Variants in COPB2 observed in about 807,000 individuals in gnomAD.
COPB2 encodes the protein coatomer subunit beta'.
Under a neutral mutation model 120.8 loss-of-function variants are expected in COPB2, and 16 were observed. The observed-to-expected ratio is 0.13, with a 90% CI of 0.09 to 0.20. The LOEUF (loss-of-function observed/expected upper bound fraction) is 0.20, where lower values mean the gene tolerates loss of function less well. Ranked by LOEUF, COPB2 falls within the 10% of genes least tolerant of loss-of-function variation. COPB2 has a pLI of 1.00. For synonymous variants in COPB2, 332 were observed against 366.3 expected, an observed-to-expected ratio of 0.91 and a Z score of 1.07; for missense variants, 794 against 1,076.5, an observed-to-expected ratio of 0.74 and a Z score of 3.67.
At position 139,375,738 on chromosome 3, in the gene COPB2, A is replaced by G. The variant is rs1176864125; in HGVS notation, c.505-124T>C. 5.9e-6 allele frequency: 7 copies of G among 1,185,250 alleles called. No homozygotes were observed. In the African/African-American group the frequency reaches 6.2e-5, roughly 11 times the overall value. The allele number at this position is 1,185,250 out of a possible 1,614,324, so 73.4% of individuals were successfully genotyped here. A position where few individuals can be genotyped will look rare whatever the true frequency, so the allele number is the denominator to read the frequency against. On this transcript the variant is annotated intron_variant, in intron 5 of 21. Coordinates refer to ENST00000333188, the MANE Select transcript of COPB2 (RefSeq NM_004766.3). ...CAGGAGAGAAGAGCTATCAAATTTTATTTTTTATCCTGTTTGGTTTTTGTT... is the reference window on the plus strand; with the variant it reads ...CAGGAGAGAAGAGCTATCAAATTTTGTTTTTTATCCTGTTTGGTTTTTGTT...
At chr3:139,386,969 C>G (rs182412138) in intron 1 of COPB2, among the ~76,000 whole-genome samples, 1 of 148,964 alleles carries the variant, frequency 6.7e-6, no homozygotes, top group Admixed American at 6.8e-5. Flanking sequence ...GAAGCTGAGG[C>G]GGGAGGATCA....
At chr3:139,378,290 A>C in intron 4 of COPB2, 101 bp from the exon 5 acceptor site, 2 of 1,068,572 alleles carry the variant, frequency 1.9e-6, no homozygotes, top group Non-Finnish European at 1.3e-6. Flanking sequence ...AAACCATATA[A>C]TCCATGACTT....
chr3:139,382,877 T>C (rs1244923017), intron 2 of COPB2: 1 of 171,488 alleles, frequency 5.8e-6, no homozygotes, highest in Non-Finnish European at 1.2e-5. Context: ...TTCCCTGATA[T>C]AATCTATATG....
chr3:139,373,659 T>A lies in COPB2; in HGVS notation c.894+7A>T, dbSNP rs753026052. ...TGTCCACCTACTGAGAGGGATAGTA[T>A]AATTACCTTAACAATGATGCTCCCT... On this transcript the variant is annotated splice_region_variant and intron_variant, in intron 8 of 21. Transcript: ENST00000333188. The A allele has an allele frequency of 6.2e-7, 1 of 1,614,052 alleles. No homozygotes were observed. The highest frequency in any genetic ancestry group is 1.1e-5 in the South Asian group (1 of 91,072).
Position 139,357,416 on chromosome 3 carries a change from T to TA in COPB2, c.*446dup, listed in dbSNP as rs1463197470. On this transcript the variant is annotated 3_prime_UTR_variant, in exon 22 of 22. Transcript: ENST00000333188. ...GGTCAAGAAAAAGGGTTTAGAGAATTACAGCCTGGATATTCAGCTCTAAGA... is the reference window on the plus strand; with the variant it reads ...GGTCAAGAAAAAGGGTTTAGAGAATTAACAGCCTGGATATTCAGCTCTAAGA... 1.2e-4 allele frequency: 23 copies of TA among 189,250 alleles called. No individual in the cohort carries two copies. The highest frequency in any genetic ancestry group is 5.4e-4 in the African/African-American group (23 of 42,376). The allele number at this position is 189,250 out of a possible 1,614,324, so 11.7% of individuals were successfully genotyped here. A position where few individuals can be genotyped will look rare whatever the true frequency, so the allele number is the denominator to read the frequency against.
chr3:139,387,669 G>C (rs1290091923), intron 1 of COPB2, among the ~76,000 whole-genome samples: 1 of 152,162 alleles, frequency 6.6e-6, no homozygotes, highest in Non-Finnish European at 1.5e-5. Context: ...TTATATATTT[G>C]AGTATGGGGG....
intron 15 of COPB2, among the ~76,000 whole-genome samples, chr3:139,365,987 A>G (rs1277927082): frequency 6.6e-6 from 1 of 152,204 alleles, no homozygotes; most frequent in African/African-American, 2.4e-5. Flanking sequence ...CTCATCTTCT[A>G]CAGAGGGGGA....
chr3:139,378,208 T>C lies in COPB2; in HGVS notation c.356-19A>G. 1 of 1,518,662 alleles carries C rather than the reference T, an allele frequency of 6.6e-7. No homozygotes were observed. Among genetic ancestry groups the C allele is most frequent in the Non-Finnish European group, 9.0e-7 (1 of 1,114,098 alleles). The allele number at this position is 1,518,662 out of a possible 1,614,324, so 94.1% of individuals were successfully genotyped here. A position where few individuals can be genotyped will look rare whatever the true frequency, so the allele number is the denominator to read the frequency against. On this transcript the variant is annotated intron_variant, in intron 4 of 21. Transcript: ENST00000333188. ...ATGTCATCTAGGCCAAAAGAAAGTCTCAAGTTAGTTGTAATTCTATTTTTT... is the reference window on the plus strand; with the variant it reads ...ATGTCATCTAGGCCAAAAGAAAGTCCCAAGTTAGTTGTAATTCTATTTTTT...
At chr3:139,389,024 C>T (rs1435313334) in intron 1 of COPB2, among the ~76,000 whole-genome samples, 1 of 152,138 alleles carries the variant, frequency 6.6e-6, no homozygotes, top group African/African-American at 2.4e-5. Context: ...TCCTCCCAAC[C>T]CTTCTTCTCC....
At chr3:139,369,416 C>T (rs1276605364) in intron 11 of COPB2, 40 bp downstream of exon 11, 1 of 1,605,012 alleles carries the variant, frequency 6.2e-7, no homozygotes. Context: ...TGAGCCATTA[C>T]AAAGAATTTA....
chr3:139,375,850 A>G (rs557939509), intron 5 of COPB2, among the ~76,000 whole-genome samples: 1 of 152,176 alleles, frequency 6.6e-6, no homozygotes, highest in South Asian at 2.1e-4. Flanking sequence ...TTATCTCTAG[A>G]GATTATAAGT....
At chr3:139,383,255 C>T in intron 2 of COPB2, 43 bp downstream of exon 2, 7 of 1,596,862 alleles carry the variant, frequency 4.4e-6, no homozygotes, top group Non-Finnish European at 6.0e-6. Context: ...AACACAGTCT[C>T]ACATAGTATT....
At chr3:139,373,480 AT>A (rs1941660090) in intron 8 of COPB2, 68 bp from the exon 9 acceptor site, 1 of 1,567,444 alleles carries the variant, frequency 6.4e-7, no homozygotes, top group Admixed American at 1.8e-5. Flanking sequence ...AAAACAGATT[AT>A]TTTTTTCACC....
In COPB2 at chr3:139,357,744, G is replaced by T; in HGVS notation, c.*119C>A. On this transcript the variant is annotated 3_prime_UTR_variant, in exon 22 of 22. Coordinates refer to ENST00000333188, the MANE Select transcript of COPB2 (RefSeq NM_004766.3). ...GGCATTGTGCTCCCAGTGGTCCACA[G>T]CATTTACATATAAAAATCTAAGAAG... 1 of 540,086 alleles carries T rather than the reference G, an allele frequency of 1.9e-6. No homozygotes were observed. The allele number at this position is 540,086 out of a possible 1,614,324, so 33.5% of individuals were successfully genotyped here. A position where few individuals can be genotyped will look rare whatever the true frequency, so the allele number is the denominator to read the frequency against.
At chr3:139,383,523 C>A in intron 1 of COPB2, 88 bp from the exon 2 acceptor site, 1 of 1,178,650 alleles carries the variant, frequency 8.5e-7, no homozygotes, top group Non-Finnish European at 1.1e-6. Flanking sequence ...AATAGGCCTA[C>A]AAAACAATTC....
rs764686854 is a variant in COPB2 at position 139,383,290 on chromosome 3, A to G, written c.141+8T>C. On this transcript the variant is annotated splice_region_variant and intron_variant, in intron 2 of 21. Coordinates refer to ENST00000333188, the MANE Select transcript of COPB2 (RefSeq NM_004766.3). ...TTTATTTCTAATACAGTCCTGAAAA[A>G]TTCCTACCTGTGTTTCATGATTCCA... The G allele has an allele frequency of 6.2e-7, 1 of 1,613,872 alleles. No individual in the cohort carries two copies. The highest frequency in any genetic ancestry group is 8.5e-7 in the Non-Finnish European group (1 of 1,179,868).
At position 139,357,874 on chromosome 3, in the gene COPB2, A is replaced by G. The variant is rs1212081352; in HGVS notation, c.2710T>C (p.Leu904=). 12 of 1,569,514 alleles carry G rather than the reference A, an allele frequency of 7.6e-6. No individual in the cohort carries two copies. The highest frequency in any genetic ancestry group is 9.6e-6 in the Non-Finnish European group (11 of 1,144,400). ...GGAAAGCATTACAGTCAATCATCCA[A>G]AATATCTTCATCCAGATTGATATCT... is the stretch of plus-strand genomic sequence containing the variant. The part of the protein sequence containing the change: ...TTDINLDEDI[L]DD Residue 904 remains leucine, a synonymous_variant, in exon 22 of 22, where the codon TTG becomes CTG. Transcript: ENST00000333188.
At chr3:139,378,283 C>T (rs551232433) in intron 4 of COPB2, 94 bp from the exon 5 acceptor site, 2 of 1,145,052 alleles carry the variant, frequency 1.7e-6, no homozygotes, top group Non-Finnish European at 2.4e-6. Flanking sequence ...CTAACACAAA[C>T]CATATAATCC....
chr3:139,379,524 ACT>A (rs1941770869), intron 2 of COPB2, 58 bp from the exon 3 acceptor site: 9 of 1,354,162 alleles, frequency 6.6e-6, no homozygotes, highest in East Asian at 4.6e-5. Flanking sequence ...CACAAAATCT[ACT>A]CTGTTATATT....
Sources: gnomAD v4.1 joint callset for allele counts (sites outside exome capture counted in the v4.1 genomes callset) on GRCh38, gnomAD v4.1.1 for gene constraint, MANE v1.5 for transcripts, NCBI Gene and HGNC (gene_info 2026-07-23, HGNC 2026-07-21) for gene names.